The following MYT1L variants were observed in gnomAD, a reference collection of about 807,000 sequenced individuals.
MYT1L encodes myelin transcription factor 1-like protein.
MYT1L carries 12 observed loss-of-function variants against 126.7 expected under a neutral mutation model. The observed-to-expected ratio is 0.09, with a 90% CI of 0.06 to 0.15. The LOEUF is 0.15. MYT1L is among the 10% of genes least tolerant of loss of function. MYT1L has a pLI of 1.00. For missense variants in MYT1L, 979 were observed against 1,585.2 expected (o/e 0.62, Z 6.49); for synonymous variants, 541 against 604.2 (o/e 0.90, Z 1.53).
chr2:2,262,758 G>A (rs1415831178), intron 2 of MYT1L, among the ~76,000 whole-genome samples: 2 of 150,732 alleles, frequency 1.3e-5, no homozygotes, highest in East Asian at 2.0e-4. Context: ...CAGCTGGTTG[G>A]AGCTTTTCTA....
At chr2:1,867,019 G>T (rs1303331460) in intron 18 of MYT1L, among the ~76,000 whole-genome samples, 1 of 140,666 alleles carries the variant, frequency 7.1e-6, no homozygotes, top group Non-Finnish European at 1.6e-5. Flanking sequence ...AGAGAGGGAT[G>T]GGGGAGAGAG....
chr2:2,011,953 G>A (rs1360751879), intron 4 of MYT1L, among the ~76,000 whole-genome samples: 5 of 152,174 alleles, frequency 3.3e-5, no homozygotes, highest in Non-Finnish European at 5.9e-5. Context: ...AGACCACCAA[G>A]GGAATCAGAA....
Position 1,878,518 on chromosome 2 carries a change from A to G in MYT1L, c.2711+8021T>C, listed in dbSNP as rs112962085. Reference sequence around the variant, plus strand: ...ACCACACAAAGAACAATATAAAATAAGTGTAAGGTTCTCTTGGGCACTGTC... The same window carrying G: ...ACCACACAAAGAACAATATAAAATAGGTGTAAGGTTCTCTTGGGCACTGTC... On this transcript the variant is annotated intron_variant, in intron 18 of 24. Transcript: ENST00000647738. Among the ~76,000 whole-genome samples, 462 of 152,306 alleles carry G rather than the reference A, an allele frequency of 3.0e-3. 3 individuals carry two copies. Among genetic ancestry groups the G allele is most frequent in the Middle Eastern group, 0.01 (3 of 294 alleles).
intron 2 of MYT1L, among the ~76,000 whole-genome samples, chr2:2,245,745 T>C (rs745780886): frequency 1.3e-5 from 2 of 152,120 alleles, no homozygotes; most frequent in Non-Finnish European, 2.9e-5. Flanking sequence ...TGCTTTCACA[T>C]AGGCAGTGGA....
chr2:2,000,628 CAG>C (rs1462105155), intron 4 of MYT1L, among the ~76,000 whole-genome samples: 3 of 152,070 alleles, frequency 2.0e-5, no homozygotes, highest in Non-Finnish European at 4.4e-5. Context: ...GACCTGAGGA[CAG>C]GGGGTTGTTT....
chr2:2,140,461 G>GT (rs1168014186), intron 3 of MYT1L, among the ~76,000 whole-genome samples: 1 of 124,560 alleles, frequency 8.0e-6, no homozygotes, highest in Non-Finnish European at 1.6e-5. Flanking sequence ...TTGAGACAGA[G>GT]TATCACTCTG....
At chr2:2,199,076 A>T (rs1444590792) in intron 2 of MYT1L, among the ~76,000 whole-genome samples, 1 of 152,174 alleles carries the variant, frequency 6.6e-6, no homozygotes, top group Non-Finnish European at 1.5e-5. Context: ...TCAAAGAATC[A>T]GAGGCTTTTT....
At chr2:2,030,314 G>A (rs962002458) in intron 4 of MYT1L, among the ~76,000 whole-genome samples, 2 of 151,994 alleles carry the variant, frequency 1.3e-5, no homozygotes, top group African/African-American at 4.8e-5. Flanking sequence ...AGCCGGGATG[G>A]TCTCGATCTC....
At chr2:2,025,448 CTTG>C (rs1436887017) in intron 4 of MYT1L, among the ~76,000 whole-genome samples, 2 of 152,204 alleles carry the variant, frequency 1.3e-5, no homozygotes, top group African/African-American at 4.8e-5. Flanking sequence ...GCAAATGATA[CTTG>C]TTGAATCAAA....
intron 2 of MYT1L, among the ~76,000 whole-genome samples, chr2:2,202,342 T>C (rs981992116): frequency 1.3e-5 from 2 of 152,082 alleles, no homozygotes; most frequent in Admixed American, 6.6e-5. Flanking sequence ...AGCTGGTTTT[T>C]TGAAAAGATC....
At chr2:1,971,399 C>T (rs10169698) in intron 8 of MYT1L, among the ~76,000 whole-genome samples, 1 of 152,176 alleles carries the variant, frequency 6.6e-6, no homozygotes, top group African/African-American at 2.4e-5. Context: ...AGAAGACTTA[C>T]TGTGACAATA....
At chr2:1,886,246 C>T (rs1481935137) in intron 18 of MYT1L, 1 of 299,066 alleles carries the variant, frequency 3.3e-6, no homozygotes, top group East Asian at 5.6e-5. Flanking sequence ...TGTAAAATTT[C>T]CCTTCCATAT....
At chr2:2,047,352 T>C (rs2068313663) in intron 4 of MYT1L, among the ~76,000 whole-genome samples, 1 of 152,246 alleles carries the variant, frequency 6.6e-6, no homozygotes, top group East Asian at 1.9e-4. Flanking sequence ...AACGCTAACA[T>C]GATTTTTATC....
intron 3 of MYT1L, among the ~76,000 whole-genome samples, chr2:2,170,450 C>A (rs1311398622): frequency 6.6e-6 from 1 of 152,182 alleles, no homozygotes; most frequent in African/African-American, 2.4e-5. Context: ...ACAGCGGTGG[C>A]AGTGATGAGC....
chr2:1,919,875 C>CCCA (rs1381810976), intron 10 of MYT1L, among the ~76,000 whole-genome samples: 3 of 152,100 alleles, frequency 2.0e-5, no homozygotes, highest in Non-Finnish European at 4.4e-5. Flanking sequence ...ACTACAGGCG[C>CCCA]CCACCACCAC....
rs571953697 is a variant in MYT1L, at chr2:2,255,690, G to A, written c.-421+28714C>T. On this transcript the variant is annotated intron_variant, in intron 2 of 24. Coordinates refer to ENST00000647738, the MANE Select transcript of MYT1L (RefSeq NM_001303052.2). ...TTTTAGCTATTTGTCGCACATACCC[G>A]TGTGGATGCCTGCAGTGACAGGTAC... is the stretch of plus-strand genomic sequence containing the variant. Among the ~76,000 whole-genome samples, 12 of 152,238 alleles carry A rather than the reference G, an allele frequency of 7.9e-5. No homozygotes were observed. In the South Asian group the frequency reaches 2.1e-3, roughly 26 times the overall value.
chr2:2,156,172 T>A (rs1051973706), intron 3 of MYT1L, among the ~76,000 whole-genome samples: 3 of 152,198 alleles, frequency 2.0e-5, no homozygotes, highest in African/African-American at 4.8e-5. Context: ...TAACCTAAAA[T>A]TTGGAATATC....
At chr2:1,839,090 T>C (rs2041283117) in intron 21 of MYT1L, 59 bp downstream of exon 21, 13 of 1,463,940 alleles carry the variant, frequency 8.9e-6, no homozygotes, top group Non-Finnish European at 1.2e-5. Context: ...TAACCAGCCG[T>C]GCCAGTCGGC....
rs541441457 is a variant in MYT1L at position 1,908,481 on chromosome 2, CACCTGGTGACTCCA to C, written c.1817+1745_1817+1758del. Among the ~76,000 whole-genome samples, 25 of 152,242 alleles carry C rather than the reference CACCTGGTGACTCCA, an allele frequency of 1.6e-4. No homozygotes were observed. In the South Asian group the frequency reaches 5.0e-3, roughly 30 times the overall value. ...GCAGCCCGAAGGTGGGCAGTGCAGT[CACCTGGTGACTCCA>C]AGAAAGGCCAGATACTAGAGTTCTT... On this transcript the variant is annotated intron_variant, in intron 13 of 24. Coordinates refer to ENST00000647738, the MANE Select transcript of MYT1L (RefSeq NM_001303052.2).
Sources: gnomAD v4.1 joint callset for allele counts (sites outside exome capture counted in the v4.1 genomes callset) on GRCh38, gnomAD v4.1.1 for gene constraint, MANE v1.5 for transcripts, NCBI Gene and HGNC (gene_info 2026-07-23, HGNC 2026-07-21) for gene names.